SRFBP1: variants seen among roughly 807,000 people sequenced by gnomAD.
SRFBP1 encodes serum response factor-binding protein 1.
In SRFBP1, 47 loss-of-function variants were observed where a neutral mutation model predicts 45.5. The ratio of observed to expected loss-of-function variants is 1.03; its 90% confidence interval spans 0.82 to 1.32. SRFBP1 has a LOEUF of 1.32. SRFBP1 is among the 40% of genes most tolerant of loss of function. SRFBP1 has a pLI of 0.00. For synonymous variants in SRFBP1, 203 were observed against 166.3 expected (o/e 1.22, Z -1.70); for missense variants, 621 against 484.6 (o/e 1.28, Z -2.64).
chr5:122,003,561 T>C (rs1752917832), intron 4 of SRFBP1, among the ~76,000 whole-genome samples: 1 of 152,204 alleles, frequency 6.6e-6, no homozygotes, highest in African/African-American at 2.4e-5. Flanking sequence ...CCTTTGGATA[T>C]ATACCCATAC....
chr5:122,019,200 C>A, intron 4 of SRFBP1, 60 bp from the exon 5 acceptor site: 1 of 1,388,462 alleles, frequency 7.2e-7, no homozygotes, highest in Non-Finnish European at 1.0e-6. Context: ...ATTTTATTCA[C>A]TTTCAATAGT....
chr5:122,021,154 A>G (rs1476511305), intron 6 of SRFBP1, among the ~76,000 whole-genome samples: 2 of 152,208 alleles, frequency 1.3e-5, no homozygotes, highest in African/African-American at 4.8e-5. Flanking sequence ...TGAAAAGAAT[A>G]TGGTGTTTTT....
chr5:122,077,488 C>G, downstream of SRFBP1: 1 of 1,613,958 alleles, frequency 6.2e-7, no homozygotes, highest in Non-Finnish European at 8.5e-7. This position sits in a 1 kb window ranked among gnomAD's most constrained non-coding sequence, Gnocchi z 4.9. Flanking sequence ...CGTCGCCCAC[C>G]ATGCCGTCCA....
chr5:122,058,333 A>C (rs1754117363), intron 2 of SRFBP1, among the ~76,000 whole-genome samples: 1 of 152,192 alleles, frequency 6.6e-6, no homozygotes, highest in Non-Finnish European at 1.5e-5. Context: ...TTACTGGCTT[A>C]AGAAAATTTT....
chr5:122,022,333 T>G (rs1452162099), intron 6 of SRFBP1, 37 bp from the exon 7 acceptor site: 1 of 1,562,410 alleles, frequency 6.4e-7, no homozygotes, highest in East Asian at 2.3e-5. Flanking sequence ...AGAGGATTTA[T>G]CTTTAAAAAG....
chr5:122,026,846 TTC>T, intron 7 of SRFBP1, 94 bp from the exon 8 acceptor site: 1 of 854,696 alleles, frequency 1.2e-6, no homozygotes, highest in Non-Finnish European at 1.7e-6. Context: ...AAAACAAAAT[TTC>T]TTTTTTTAAC....
intron 5 of SRFBP1, 21 bp from the exon 6 acceptor site, chr5:122,020,067 G>C (rs1753270856): frequency 1.4e-6 from 2 of 1,460,930 alleles, no homozygotes; most frequent in African/African-American, 2.8e-5. Context: ...TAAAATGAGT[G>C]ATGCACTGTT....
intron 4 of SRFBP1, among the ~76,000 whole-genome samples, chr5:122,015,810 T>G (rs927303925): frequency 6.6e-6 from 1 of 152,242 alleles, no homozygotes; most frequent in Non-Finnish European, 1.5e-5. Context: ...AAGATGTTTA[T>G]GTACTGTATT....
At chr5:121,970,255 A>G (rs574407487) in intron 1 of SRFBP1, among the ~76,000 whole-genome samples, 121 of 152,234 alleles carry the variant, frequency 7.9e-4, no homozygotes, top group Middle Eastern at 6.8e-3. Context: ...CATGGCAAAC[A>G]TAGTATTTCT....
In SRFBP1 at chr5:121,996,992, C is replaced by A. The variant is rs1173845668; in HGVS notation, c.270+2322C>A. Among the ~76,000 whole-genome samples the A allele has an allele frequency of 1.2e-3, 150 of 124,736 alleles. 2 individuals carry two copies. Among genetic ancestry groups the A allele is most frequent in the African/African-American group, 4.9e-3 (145 of 29,670 alleles). 81.8% of individuals were successfully genotyped at this position (124,736 alleles called of 152,430 possible). A position where few individuals can be genotyped will look rare whatever the true frequency, so the allele number is the denominator to read the frequency against. ...GGACCTCTTCAAGGAGAACTACAAA[C>A]CACTGCTCAAGGAAATAAAAGAGGA... On this transcript the variant is annotated intron_variant, in intron 4 of 7. Transcript: ENST00000339397.
chr5:122,007,503 G>T lies in SRFBP1; in HGVS notation c.271-11757G>T, dbSNP rs563755074. ...CTGGTCTGGATCCTGGGGCCATGGG[G>T]AACAGCCTGGAGCCTCGGTCTGTTG... On this transcript the variant is annotated intron_variant, in intron 4 of 7. Transcript: ENST00000339397. Among the ~76,000 whole-genome samples, 16 of 152,158 alleles carry T rather than the reference G, an allele frequency of 1.1e-4. 1 individual carries two copies. The South Asian group carries it at 3.3e-3, about 32-fold the overall frequency.
intron 2 of SRFBP1, among the ~76,000 whole-genome samples, chr5:122,039,712 A>G (rs976417174): frequency 6.6e-6 from 1 of 152,136 alleles, no homozygotes; most frequent in African/African-American, 2.4e-5. Flanking sequence ...AGATCCTCCC[A>G]AGTCCATCCA....
intron 2 of SRFBP1, among the ~76,000 whole-genome samples, chr5:122,041,435 T>C (rs1753771580): frequency 6.6e-6 from 1 of 152,090 alleles, no homozygotes; most frequent in Non-Finnish European, 1.5e-5. Context: ...GGGCTCTTGG[T>C]CTTTTTCGTT....
At chr5:121,980,457 A>C (rs1211015867) in intron 3 of SRFBP1, among the ~76,000 whole-genome samples, 5 of 152,118 alleles carry the variant, frequency 3.3e-5, no homozygotes, top group Non-Finnish European at 7.4e-5. Flanking sequence ...CCAGCGATTA[A>C]TGTTCTGTGG....
rs761375719 is a variant in SRFBP1, at chr5:122,022,378, A to G, written c.1076A>G (p.Lys359Arg). The G allele has an allele frequency of 6.8e-6, 11 of 1,611,216 alleles. No homozygotes were observed. Among genetic ancestry groups the G allele is most frequent in the South Asian group, 1.1e-5 (1 of 90,332 alleles). Residue 359 changes from lysine to arginine, a missense_variant, in exon 7 of 8, where the codon AAA (lysine) becomes AGA (arginine). Lys to Arg is a conservative substitution (Grantham distance 26). Transcript: ENST00000339397. ...SGSKSSRRNF[K>R]EQAPKTRSLD... ...TGTTTTTCTTCTTTTAGAAATTTCA[A>G]AGAACAGGCTCCAAAAACAAGATCC...
intron 3 of SRFBP1, among the ~76,000 whole-genome samples, chr5:121,992,017 A>C (rs570711126): frequency 1.3e-5 from 2 of 152,262 alleles, no homozygotes; most frequent in Admixed American, 6.5e-5. Context: ...TGGTATAATG[A>C]ATTATTTTAT....
chr5:122,042,323 A>G (rs1580541133), intron 2 of SRFBP1, among the ~76,000 whole-genome samples: 1 of 152,178 alleles, frequency 6.6e-6, no homozygotes, highest in African/African-American at 2.4e-5. Flanking sequence ...GGTGAGTGCT[A>G]TAACACGATC....
intron 4 of SRFBP1, among the ~76,000 whole-genome samples, chr5:122,004,349 C>T (rs1410001784): frequency 1.2e-4 from 18 of 151,982 alleles, no homozygotes; most frequent in Admixed American, 1.2e-3. Flanking sequence ...ATGTGGATAT[C>T]CAGTTGTCCC....
intron 2 of SRFBP1, among the ~76,000 whole-genome samples, chr5:122,048,688 A>G (rs956584521): frequency 4.6e-5 from 7 of 151,790 alleles, no homozygotes; most frequent in African/African-American, 1.7e-4. Flanking sequence ...ACTTTTTTTG[A>G]TTGGTAAGCT....
Sources: gnomAD v4.1 joint callset for allele counts (sites outside exome capture counted in the v4.1 genomes callset) on GRCh38, gnomAD v4.1.1 for gene constraint, Gnocchi (gnomAD v3.1) non-coding constraint, MANE v1.5 for transcripts, NCBI Gene and HGNC (gene_info 2026-07-23, HGNC 2026-07-21) for gene names.